ZNF283: variants seen among roughly 807,000 people sequenced by gnomAD.
ZNF283 encodes zinc finger protein 283.
A neutral mutation model predicts 9.2 loss-of-function variants in ZNF283; 10 were observed. The ratio of observed to expected loss-of-function variants is 1.09; its 90% CI spans 0.67 to 1.85. The LOEUF (loss-of-function observed/expected upper bound fraction) is 1.85, where lower values mean the gene tolerates loss of function less well. Among genes scored for constraint, ZNF283 ranks in the 40% most tolerant of loss-of-function variants. The probability of loss-of-function intolerance (pLI) is 0.00; values close to 1 mark genes in which losing one functional copy is unlikely to be tolerated. For synonymous variants in ZNF283, 234 were observed against 244.1 expected, an observed-to-expected ratio of 0.96 and a Z score of 0.38; for missense variants, 631 against 760.1, an observed-to-expected ratio of 0.83 and a Z score of 2.00.
chr19:43,836,958 T>TC (rs1190501466), intron 5 of ZNF283, 95 bp from the exon 6 acceptor site: 12 of 1,353,764 alleles, frequency 8.9e-6, no homozygotes, highest in Non-Finnish European at 1.2e-5. Context: ...GTTATATTTC[T>TC]CCCCCTCTTT....
chr19:43,848,693 A>G lies in ZNF283; in HGVS notation c.*52A>G. The G allele has an allele frequency of 6.8e-7, 1 of 1,468,528 alleles. No individual in the cohort carries two copies. The allele number at this position is 1,468,528 out of a possible 1,614,324, so 91.0% of individuals were successfully genotyped here. ...GTGTGTGTATAGACAACTTATCATA[A>G]TAAGAACTCTTACTCTTGAGAAACC... On this transcript the variant is annotated 3_prime_UTR_variant, in exon 7 of 7. Transcript: ENST00000618787.
Position 43,831,348 on chromosome 19 carries a change from C to T in ZNF283, c.-34C>T. On this transcript the variant is annotated 5_prime_UTR_variant, in exon 3 of 7. Coordinates refer to ENST00000618787, the MANE Select transcript of ZNF283 (RefSeq NM_181845.2). ...TCTTGACAGTGAATGTGTCTCATTACATTGAATAACAGCTACAGGATGTTC... is the reference window on the plus strand; with the variant it reads ...TCTTGACAGTGAATGTGTCTCATTATATTGAATAACAGCTACAGGATGTTC... 1 of 1,595,820 alleles carries T rather than the reference C, an allele frequency of 6.3e-7. No homozygotes were observed. Among genetic ancestry groups the T allele is most frequent in the Non-Finnish European group, 8.5e-7 (1 of 1,178,622 alleles).
intron 6 of ZNF283, 27 bp from the exon 7 acceptor site, chr19:43,846,892 TCCCTAGTGAAGGAAATAAAA>T: frequency 3.4e-6 from 4 of 1,192,328 alleles, no homozygotes; most frequent in Non-Finnish European, 4.4e-6. Flanking sequence ...TTTTTTTTTT[TCCCTAGTGAAGGAAATAAAA>T]TGTGTGGTTT....
rs1265007584 is a variant in ZNF283, at chr19:43,851,618, G to C, written c.*2977G>C. On this transcript the variant is annotated 3_prime_UTR_variant, in exon 7 of 7. Coordinates refer to ENST00000618787, the MANE Select transcript of ZNF283 (RefSeq NM_181845.2). ...GTGGTCCCAGCTACTCGGGGAGGCT[G>C]AGGCAGGAGAATGGCGTGAACCCGG... 6.6e-6 allele frequency: 1 copy of C among 152,304 alleles called. No individual in the cohort carries two copies. The highest frequency in any genetic ancestry group is 1.5e-5 in the Non-Finnish European group (1 of 68,122). 9.4% of individuals were successfully genotyped at this position (152,304 alleles called of 1,614,324 possible).
chr19:43,833,991 C>T (rs1284508015), intron 4 of ZNF283: 1 of 152,214 alleles, frequency 6.6e-6, no homozygotes, highest in Non-Finnish European at 1.5e-5. Context: ...TCCAGGGGAC[C>T]TGCTTTAGGA....
rs754549952 is a variant in ZNF283 at position 43,846,943 on chromosome 19, G to A, written c.342G>A (p.Leu114=). 30 of 1,446,800 alleles carry A rather than the reference G, an allele frequency of 2.1e-5. No individual in the cohort carries two copies. Among genetic ancestry groups the A allele is most frequent in the Admixed American group, 2.4e-5 (1 of 42,460 alleles). 89.6% of individuals were successfully genotyped at this position (1,446,800 alleles called of 1,614,324 possible). A position where few individuals can be genotyped will look rare whatever the true frequency, so the allele number is the denominator to read the frequency against. Residue 114 remains leucine (L), a synonymous_variant, in exon 7 of 7, where the codon TTG becomes TTA. Coordinates refer to ENST00000618787, the MANE Select transcript of ZNF283 (RefSeq NM_181845.2). ...ENYSNLVSLD[L]ESKTYETKKI... is the part of the protein sequence containing the mutation. ...GGTTTTCTTGTTTTCTTTCAGATTTGGAGTCAAAAACGTATGAGACCAAAA... is the reference window on the plus strand; with the variant it reads ...GGTTTTCTTGTTTTCTTTCAGATTTAGAGTCAAAAACGTATGAGACCAAAA...
At chr19:43,845,329 G>A (rs1484345073) in intron 6 of ZNF283, among the ~76,000 whole-genome samples, 1 of 152,040 alleles carries the variant, frequency 6.6e-6, no homozygotes, top group African/African-American at 2.4e-5. Flanking sequence ...TTGCTCAGTG[G>A]CCTTTTAGGA....
intron 4 of ZNF283, among the ~76,000 whole-genome samples, chr19:43,835,178 C>T (rs1970912940): frequency 6.6e-6 from 1 of 152,144 alleles, no homozygotes; most frequent in Non-Finnish European, 1.5e-5. Context: ...TGACCAACTT[C>T]CTTCAGTCCT....
At chr19:43,842,330 G>C (rs1303120662) in intron 6 of ZNF283, among the ~76,000 whole-genome samples, 1 of 151,670 alleles carries the variant, frequency 6.6e-6, no homozygotes, top group Non-Finnish European at 1.5e-5. Context: ...TGGTTTTGTG[G>C]GTCTGCTTTT....
chr19:43,842,580 A>G (rs949871650), intron 6 of ZNF283, among the ~76,000 whole-genome samples: 4 of 152,270 alleles, frequency 2.6e-5, no homozygotes, highest in African/African-American at 7.2e-5. Context: ...AGTCCTGGAC[A>G]TAATTCTTAC....
At chr19:43,830,700 C>T (rs899348094) in intron 2 of ZNF283, among the ~76,000 whole-genome samples, 6 of 151,634 alleles carry the variant, frequency 4.0e-5, no homozygotes, top group Admixed American at 6.6e-5. Flanking sequence ...GTCAGGAGTT[C>T]GAGACCAACC....
intron 6 of ZNF283, chr19:43,837,407 C>A: frequency 2.3e-6 from 1 of 430,094 alleles, no homozygotes; most frequent in South Asian, 8.1e-5. Flanking sequence ...GCAATCACCT[C>A]TCTCCTTTAA....
chr19:43,848,047 T>C lies in ZNF283; in HGVS notation c.1446T>C (p.Thr482=). 6.2e-7 allele frequency: 1 copy of C among 1,613,074 alleles called. No individual in the cohort carries two copies. ...SSLVKHERVH[T]GEKSHECKEC... ...TTGTTAAACATGAGAGAGTTCATAC[T>C]GGTGAGAAATCCCATGAATGTAAAG... is the stretch of plus-strand genomic sequence containing the variant. The change falls in exon 7 of 7, where the codon ACT becomes ACC. Residue 482 remains threonine, a synonymous_variant. Coordinates refer to ENST00000618787, the MANE Select transcript of ZNF283 (RefSeq NM_181845.2).
At chr19:43,843,295 C>T (rs760578924) in intron 6 of ZNF283, among the ~76,000 whole-genome samples, 46 of 152,268 alleles carry the variant, frequency 3.0e-4, no homozygotes, top group Middle Eastern at 3.4e-3. Flanking sequence ...GAGCCAAGAT[C>T]GTGCCACTGC....
chr19:43,847,764 A>G lies in ZNF283; in HGVS notation c.1163A>G (p.Tyr388Cys), dbSNP rs1337453809. ...TGTGGAAAGGCTTTTTGTTGGGGCTATCAACTTACTCGACATCAGATATTT... is the reference window on the plus strand; with the variant it reads ...TGTGGAAAGGCTTTTTGTTGGGGCTGTCAACTTACTCGACATCAGATATTT... ...KICGKAFCWGYQLTRHQIFHT... is the reference protein window; with the variant it reads ...KICGKAFCWGCQLTRHQIFHT... The change falls in exon 7 of 7, where the codon TAT becomes TGT. Residue 388 changes from tyrosine to cysteine, a missense_variant. Around this residue, in one of 3 missense-constraint regions of ZNF283, gnomAD observed 444 missense variants for 522.5 expected, o/e 0.85. Coordinates refer to ENST00000618787, the MANE Select transcript of ZNF283 (RefSeq NM_181845.2). The G allele has an allele frequency of 5.0e-6, 8 of 1,613,674 alleles. No homozygotes were observed. Among genetic ancestry groups the G allele is most frequent in the Non-Finnish European group, 6.8e-6 (8 of 1,179,876 alleles).
intron 2 of ZNF283, among the ~76,000 whole-genome samples, chr19:43,830,876 C>T (rs1970677758): frequency 7.5e-6 from 1 of 133,366 alleles, no homozygotes; most frequent in Non-Finnish European, 1.5e-5. Context: ...GCACTCCAGC[C>T]TGAGTGACAG....
chr19:43,828,784 G>C (rs1389193197), intron 2 of ZNF283, among the ~76,000 whole-genome samples: 2 of 152,194 alleles, frequency 1.3e-5, no homozygotes, highest in Non-Finnish European at 2.9e-5. Context: ...GCGTCCCAAA[G>C]TGCTGGGACT....
chr19:43,850,718 C>G lies in ZNF283; in HGVS notation c.*2077C>G, dbSNP rs780565070. ...TTGGGATTACAGGTGTGAGACACTG[C>G]GCCTGGCTATATTTTACTATTTGGA... On this transcript the variant is annotated 3_prime_UTR_variant, in exon 7 of 7. Coordinates refer to ENST00000618787, the MANE Select transcript of ZNF283 (RefSeq NM_181845.2). The G allele has an allele frequency of 6.6e-6, 1 of 152,104 alleles. No individual in the cohort carries two copies. Among genetic ancestry groups the G allele is most frequent in the African/African-American group, 2.4e-5 (1 of 41,408 alleles). 9.4% of individuals were successfully genotyped at this position (152,104 alleles called of 1,614,324 possible). A position where few individuals can be genotyped will look rare whatever the true frequency, so the allele number is the denominator to read the frequency against.
chr19:43,840,104 T>G (rs544851117), intron 6 of ZNF283, among the ~76,000 whole-genome samples: 58 of 152,322 alleles, frequency 3.8e-4, no homozygotes, highest in Non-Finnish European at 6.8e-4. Context: ...GTCAGATTTT[T>G]TCAAACTCTT....
Sources: gnomAD v4.1 joint callset for allele counts (sites outside exome capture counted in the v4.1 genomes callset) on GRCh38, gnomAD v4.1.1 for gene constraint, gnomAD v4.1.1 regional missense constraint, MANE v1.5 for transcripts, NCBI Gene and HGNC (gene_info 2026-07-23, HGNC 2026-07-21) for gene names.